ZNF618: variants seen among roughly 807,000 people sequenced by gnomAD.
The protein encoded by ZNF618 is neural precursor cell expressed, developmentally down-regulated 10.
A neutral mutation model predicts 103.0 loss-of-function variants in ZNF618; 34 were observed. The observed-to-expected ratio is 0.33, with a 90% CI of 0.25 to 0.44. The LOEUF is 0.44. Ranked by LOEUF, ZNF618 falls within the 20% of genes least tolerant of loss-of-function variation. The pLI is 1.00. For synonymous variants in ZNF618, 551 were observed against 542.2 expected, an observed-to-expected ratio of 1.02 and a Z score of -0.23; for missense variants, 1,059 against 1,295.4, an observed-to-expected ratio of 0.82 and a Z score of 2.80.
At chr9:114,044,058 C>T (rs930858695) in intron 13 of ZNF618, among the ~76,000 whole-genome samples, 1 of 151,818 alleles carries the variant, frequency 6.6e-6, no homozygotes, top group Non-Finnish European at 1.5e-5. Flanking sequence ...TGTTTAAGTC[C>T]CATCTATCTC....
At chr9:113,917,443 G>A (rs566848505) in intron 1 of ZNF618, among the ~76,000 whole-genome samples, 40 of 151,220 alleles carry the variant, frequency 2.6e-4, no homozygotes, top group Non-Finnish European at 5.8e-4. Context: ...TTGTAGAGGC[G>A]GGATTTTGCC....
chr9:113,951,948 C>T (rs1018037095), intron 1 of ZNF618, among the ~76,000 whole-genome samples: 1 of 152,108 alleles, frequency 6.6e-6, no homozygotes, highest in Non-Finnish European at 1.5e-5. Flanking sequence ...AGCTTGGAGC[C>T]CCGCTTTCTT....
intron 1 of ZNF618, among the ~76,000 whole-genome samples, chr9:113,877,617 C>A (rs918459154): frequency 1.3e-5 from 2 of 151,220 alleles, no homozygotes; most frequent in Non-Finnish European, 3.0e-5. Context: ...CAGTGAAATC[C>A]TTTCTTTCTT....
At chr9:113,962,316 C>T (rs1370014363) in intron 1 of ZNF618, among the ~76,000 whole-genome samples, 3 of 152,208 alleles carry the variant, frequency 2.0e-5, no homozygotes, top group Admixed American at 2.0e-4. Flanking sequence ...TCACCCTCTT[C>T]AGTCCCTGCC....
intron 5 of ZNF618, among the ~76,000 whole-genome samples, chr9:114,002,415 C>A (rs1037890079): frequency 6.6e-6 from 1 of 152,182 alleles, no homozygotes; most frequent in Non-Finnish European, 1.5e-5. Flanking sequence ...GTGTGTGTTC[C>A]TCATGACAAG....
chr9:113,977,097 G>C (rs1535762), intron 2 of ZNF618, among the ~76,000 whole-genome samples: 41,761 of 152,094 alleles, frequency 0.27, 7,197 homozygotes, highest in East Asian at 0.6. Context: ...GGCAAGAGCT[G>C]GTTGGTTGTC....
intron 1 of ZNF618, among the ~76,000 whole-genome samples, chr9:113,934,551 T>G (rs1588085136): frequency 3.3e-5 from 5 of 152,214 alleles, no homozygotes; most frequent in Admixed American, 3.3e-4. Flanking sequence ...AAAGCACATC[T>G]GTCCTTACAT....
At chr9:114,025,697 C>T (rs1485261880) in intron 10 of ZNF618, among the ~76,000 whole-genome samples, 2 of 146,170 alleles carry the variant, frequency 1.4e-5, no homozygotes, top group East Asian at 4.4e-4. Context: ...GATAGCCATA[C>T]CTCTCTGAGC....
intron 5 of ZNF618, among the ~76,000 whole-genome samples, chr9:114,002,318 C>T (rs573902960): frequency 6.6e-6 from 1 of 152,322 alleles, no homozygotes; most frequent in African/African-American, 2.4e-5. Flanking sequence ...AAGGGCACCC[C>T]CTGCTCCCCA....
chr9:114,039,643 G>A (rs1393699516), intron 13 of ZNF618, among the ~76,000 whole-genome samples: 1 of 152,174 alleles, frequency 6.6e-6, no homozygotes, highest in Non-Finnish European at 1.5e-5. Context: ...GAGCCACCAT[G>A]CCTAGCACCA....
chr9:113,917,185 C>T (rs1832189989), intron 1 of ZNF618, among the ~76,000 whole-genome samples: 1 of 150,532 alleles, frequency 6.6e-6, no homozygotes, highest in African/African-American at 2.4e-5. Context: ...ATTTTCTGGG[C>T]TCGTCCCTCT....
intron 2 of ZNF618, among the ~76,000 whole-genome samples, chr9:113,987,184 A>G (rs1268346362): frequency 6.6e-6 from 1 of 152,168 alleles, no homozygotes; most frequent in Non-Finnish European, 1.5e-5. Flanking sequence ...CTCACAGACA[A>G]CAGTCATGGG....
intron 5 of ZNF618, among the ~76,000 whole-genome samples, chr9:114,002,411 G>A (rs574862038): frequency 6.6e-6 from 1 of 152,334 alleles, no homozygotes; most frequent in Non-Finnish European, 1.5e-5. Flanking sequence ...CAGTGTGTGT[G>A]TTCCTCATGA....
chr9:113,944,221 A>T (rs1222316718), intron 1 of ZNF618, among the ~76,000 whole-genome samples: 3 of 152,222 alleles, frequency 2.0e-5, no homozygotes, highest in Non-Finnish European at 2.9e-5. Context: ...CTGCCACACT[A>T]GTCAATGAAT....
At chr9:114,036,235 C>T in intron 12 of ZNF618, 65 bp from the exon 13 acceptor site, 9 of 1,488,654 alleles carry the variant, frequency 6.0e-6, no homozygotes, top group Non-Finnish European at 8.2e-6. Flanking sequence ...AAGCTGCCTG[C>T]AGCCCAGCAG....
intron 4 of ZNF618, among the ~76,000 whole-genome samples, chr9:114,001,570 T>G (rs796974708): frequency 9.8e-5 from 15 of 152,360 alleles, no homozygotes; most frequent in African/African-American, 3.1e-4. Flanking sequence ...CTGTCTGTCT[T>G]AATCTCTGTC....
At chr9:113,919,133 G>A (rs1369506106) in intron 1 of ZNF618, among the ~76,000 whole-genome samples, 2 of 152,128 alleles carry the variant, frequency 1.3e-5, no homozygotes, top group Non-Finnish European at 2.9e-5. Context: ...CCCCCATCTC[G>A]TAGAGCAGAA....
intron 12 of ZNF618, among the ~76,000 whole-genome samples, chr9:114,034,284 C>G (rs905014597): frequency 1.3e-5 from 2 of 152,142 alleles, no homozygotes; most frequent in Non-Finnish European, 2.9e-5. Context: ...AGTGACTTGC[C>G]CAAGGCCACA....
chr9:113,966,700 A>G (rs1837435934), intron 1 of ZNF618, among the ~76,000 whole-genome samples: 1 of 152,106 alleles, frequency 6.6e-6, no homozygotes, highest in Non-Finnish European at 1.5e-5. Flanking sequence ...TGTGTCTTGG[A>G]CATCTCCCAC....
Sources: allele counts gnomAD v4.1 joint callset (sites outside exome capture counted in the v4.1 genomes callset), GRCh38; gene constraint gnomAD v4.1.1; transcripts MANE v1.5; gene names NCBI Gene and HGNC (gene_info 2026-07-23, HGNC 2026-07-21).